Variants in PDGFD observed in about 807,000 individuals in gnomAD.
PDGFD encodes platelet-derived growth factor D.
A neutral mutation model predicts 44.7 loss-of-function variants in PDGFD; 30 were observed. That is an observed-to-expected ratio of 0.67 (90% CI 0.50 to 0.91). The LOEUF (loss-of-function observed/expected upper bound fraction) is 0.91, where lower values mean the gene tolerates loss of function less well. Ranked by LOEUF, PDGFD falls within the 40% of genes least tolerant of loss-of-function variation. PDGFD has a pLI of 0.00. For synonymous variants in PDGFD, 173 were observed against 168.4 expected, an observed-to-expected ratio of 1.03 and a Z score of -0.21; for missense variants, 445 against 457.8, an observed-to-expected ratio of 0.97 and a Z score of 0.25.
At chr11:104,150,668 G>A (rs1020166598) in intron 1 of PDGFD, among the ~76,000 whole-genome samples, 2 of 152,134 alleles carry the variant, frequency 1.3e-5, no homozygotes, top group Non-Finnish European at 2.9e-5. Flanking sequence ...TCCTCTTCCA[G>A]CTCCTGTTTG....
intron 1 of PDGFD, among the ~76,000 whole-genome samples, chr11:104,052,687 G>A (rs1860561162): frequency 1.3e-5 from 2 of 152,128 alleles, no homozygotes; most frequent in South Asian, 2.1e-4. Context: ...TTCTGTTCTA[G>A]TGTTAATTTC....
intron 1 of PDGFD, among the ~76,000 whole-genome samples, chr11:104,017,114 CTGTCTACCA>C (rs1324710649): frequency 6.6e-6 from 1 of 152,164 alleles, no homozygotes; most frequent in Non-Finnish European, 1.5e-5. Flanking sequence ...GATTCCTAAA[CTGTCTACCA>C]TGTGAGGACA....
intron 4 of PDGFD, among the ~76,000 whole-genome samples, chr11:103,945,158 G>T (rs1251191171): frequency 6.6e-6 from 1 of 152,070 alleles, no homozygotes; most frequent in Non-Finnish European, 1.5e-5. Context: ...TTTAATCACA[G>T]TTCAAGCCAT....
chr11:104,017,891 T>C (rs980485647), intron 1 of PDGFD, among the ~76,000 whole-genome samples: 2 of 152,184 alleles, frequency 1.3e-5, no homozygotes, highest in Non-Finnish European at 2.9e-5. Flanking sequence ...GGCTGTTTTG[T>C]AAAGTACCAT....
chr11:103,917,105 G>A (rs1327710345), intron 6 of PDGFD, among the ~76,000 whole-genome samples: 2 of 151,158 alleles, frequency 1.3e-5, no homozygotes, highest in Non-Finnish European at 3.0e-5. Context: ...CACACAACAT[G>A]TTGCCCTGAT....
intron 1 of PDGFD, among the ~76,000 whole-genome samples, chr11:104,073,506 A>C (rs910689847): frequency 6.6e-6 from 1 of 152,216 alleles, no homozygotes; most frequent in Non-Finnish European, 1.5e-5. Flanking sequence ...TATGAGAAGA[A>C]GTAAGACACA....
At chr11:104,154,792 CAG>C (rs753035214) in intron 1 of PDGFD, among the ~76,000 whole-genome samples, 76 of 152,258 alleles carry the variant, frequency 5.0e-4, no homozygotes, top group Non-Finnish European at 8.1e-4. Context: ...CTGACCAGAA[CAG>C]AGTCTAACTT....
intron 3 of PDGFD, among the ~76,000 whole-genome samples, chr11:103,968,347 G>T (rs555843189): frequency 6.6e-6 from 1 of 152,076 alleles, no homozygotes; most frequent in East Asian, 1.9e-4. Context: ...AGATCAGATC[G>T]TTTTCCCAAA....
chr11:103,956,217 C>T (rs1364059896), intron 3 of PDGFD, among the ~76,000 whole-genome samples: 1 of 151,320 alleles, frequency 6.6e-6, no homozygotes, highest in Admixed American at 6.6e-5. Flanking sequence ...CCCCTCTCCC[C>T]CCACCCCACA....
chr11:103,908,613 A>C lies in PDGFD; in HGVS notation c.*1081T>G, dbSNP rs1275025948. ...AAATATAAAATGCCATTATAAATCC[A>C]TGTCTATATTTCAAAAAGACGGGAA... On this transcript the variant is annotated 3_prime_UTR_variant, in exon 7 of 7. Transcript: ENST00000393158. 1 of 152,216 alleles carries C rather than the reference A, an allele frequency of 6.6e-6. No individual in the cohort carries two copies. Among genetic ancestry groups the C allele is most frequent in the South Asian group, 2.1e-4 (1 of 4,834 alleles). 9.4% of individuals were successfully genotyped at this position (152,216 alleles called of 1,614,324 possible). A position where few individuals can be genotyped will look rare whatever the true frequency, so the allele number is the denominator to read the frequency against.
At chr11:103,978,326 T>C (rs1454109927) in intron 3 of PDGFD, among the ~76,000 whole-genome samples, 2 of 152,030 alleles carry the variant, frequency 1.3e-5, no homozygotes, top group Non-Finnish European at 2.9e-5. Flanking sequence ...AACATGAACA[T>C]TGTCTTTCAA....
At position 104,094,764 on chromosome 11, in the gene PDGFD, C is replaced by G. The variant is rs529349639; in HGVS notation, c.124+69040G>C. 2.0e-5 allele frequency among the ~76,000 whole-genome samples: 3 copies of G among 152,286 alleles called. No homozygotes were observed. The East Asian group carries it at 5.8e-4, about 29-fold the overall frequency. ...ATTGACAAATACAACAGTCTCCAAGCTAGTTTCCCCATGCACTTTTTCTTC... is the reference window on the plus strand; with the variant it reads ...ATTGACAAATACAACAGTCTCCAAGGTAGTTTCCCCATGCACTTTTTCTTC... On this transcript the variant is annotated intron_variant, in intron 1 of 6. Transcript: ENST00000393158.
chr11:104,162,974 A>G (rs1862411365), intron 1 of PDGFD, among the ~76,000 whole-genome samples: 1 of 152,228 alleles, frequency 6.6e-6, no homozygotes, highest in Non-Finnish European at 1.5e-5. Flanking sequence ...GGCCCCAGAA[A>G]GTAAATAAAC....
chr11:104,015,934 A>G (rs1230026468), intron 1 of PDGFD, among the ~76,000 whole-genome samples: 1 of 152,202 alleles, frequency 6.6e-6, no homozygotes, highest in Non-Finnish European at 1.5e-5. Context: ...TTTGTGCTAC[A>G]GAGTCCAAAA....
chr11:103,914,801 A>G (rs1858092029), intron 6 of PDGFD, among the ~76,000 whole-genome samples: 1 of 152,214 alleles, frequency 6.6e-6, no homozygotes, highest in East Asian at 1.9e-4. Flanking sequence ...AAATATGCAA[A>G]TCAATAAATG....
chr11:104,007,056 G>A (rs1859713360), intron 1 of PDGFD, among the ~76,000 whole-genome samples: 1 of 152,186 alleles, frequency 6.6e-6, no homozygotes, highest in Non-Finnish European at 1.5e-5. Context: ...TATGGGAGTG[G>A]ACCCCAGGGG....
chr11:104,012,020 C>A (rs894923123), intron 1 of PDGFD, among the ~76,000 whole-genome samples: 3 of 151,932 alleles, frequency 2.0e-5, no homozygotes, highest in African/African-American at 7.2e-5. Flanking sequence ...TCAGAATAGG[C>A]CAAATAATTA....
At chr11:104,147,601 T>C (rs1862182231) in intron 1 of PDGFD, among the ~76,000 whole-genome samples, 1 of 152,150 alleles carries the variant, frequency 6.6e-6, no homozygotes, top group African/African-American at 2.4e-5. Flanking sequence ...AATTTTTTAA[T>C]GCAAAAGGAG....
At chr11:104,138,528 A>T (rs1467250262) in intron 1 of PDGFD, among the ~76,000 whole-genome samples, 2 of 152,122 alleles carry the variant, frequency 1.3e-5, no homozygotes, top group Admixed American at 1.3e-4. Flanking sequence ...TGGTCCACAA[A>T]CCTGTAGCAT....
Sources: allele counts gnomAD v4.1 joint callset (sites outside exome capture counted in the v4.1 genomes callset), GRCh38; gene constraint gnomAD v4.1.1; transcripts MANE v1.5; gene names NCBI Gene and HGNC (gene_info 2026-07-23, HGNC 2026-07-21).